NAA15: variants seen among roughly 807,000 people sequenced by gnomAD.
NAA15 encodes N-alpha-acetyltransferase 15, NatA auxiliary subunit.
In NAA15, 34 loss-of-function variants were observed where a neutral mutation model predicts 114.0. That is an observed-to-expected ratio of 0.30 (90% CI 0.23 to 0.40). The LOEUF is 0.40. NAA15 is among the 10% of genes least tolerant of loss of function. The pLI is 1.00. For synonymous variants in NAA15, 340 were observed against 338.0 expected, an observed-to-expected ratio of 1.01 and a Z score of -0.06; for missense variants, 658 against 1,004.5, an observed-to-expected ratio of 0.66 and a Z score of 4.66.
intron 16 of NAA15, among the ~76,000 whole-genome samples, chr4:139,377,795 A>C (rs1748632299): frequency 6.6e-6 from 1 of 152,214 alleles, no homozygotes; most frequent in Non-Finnish European, 1.5e-5. Context: ...AAATAAGTTT[A>C]ATAAATAGTC....
intron 9 of NAA15, 138 bp downstream of exon 9, chr4:139,351,749 G>A: frequency 2.1e-6 from 1 of 485,090 alleles, no homozygotes; most frequent in Non-Finnish European, 3.7e-6. Flanking sequence ...CAGTTTAAAT[G>A]CTTCTGATTC....
At chr4:139,331,111 TTAAAAA>T (rs1264237508) in intron 1 of NAA15, among the ~76,000 whole-genome samples, 5 of 152,164 alleles carry the variant, frequency 3.3e-5, no homozygotes, top group Admixed American at 2.6e-4. Context: ...ATACAATGCT[TTAAAAA>T]TAAATTTTCA....
intron 17 of NAA15, chr4:139,379,433 C>T (rs1748680700): frequency 6.6e-6 from 1 of 152,120 alleles, no homozygotes; most frequent in South Asian, 2.1e-4. Flanking sequence ...TGGGAAAAAT[C>T]TGAGACCTTA....
chr4:139,356,653 A>C (rs1431895015), intron 10 of NAA15: 1 of 152,194 alleles, frequency 6.6e-6, no homozygotes, highest in Admixed American at 6.5e-5. Context: ...TTTAAAAAGC[A>C]ATCTGTTGCT....
Position 139,365,182 on chromosome 4 carries a change from C to T in NAA15, c.1753+3245C>T, listed in dbSNP as rs181511881. On this transcript the variant is annotated intron_variant, in intron 14 of 19. Transcript: ENST00000296543. ...CCTCCCAAGTAGCTGGGATTACAGG[C>T]GCCTGCCACCACTTCTGGCTAATTT... Among the ~76,000 whole-genome samples, 427 of 152,138 alleles carry T rather than the reference C, an allele frequency of 2.8e-3. 3 individuals are homozygous for T. Among genetic ancestry groups the T allele is most frequent in the Non-Finnish European group, 4.7e-3 (320 of 67,996 alleles).
intron 5 of NAA15, 71 bp downstream of exon 5, chr4:139,343,031 C>T: frequency 1.5e-6 from 2 of 1,375,408 alleles, no homozygotes; most frequent in Non-Finnish European, 2.0e-6. Flanking sequence ...CATAGTCTGG[C>T]TTACTTTTAA....
intron 15 of NAA15, among the ~76,000 whole-genome samples, chr4:139,373,993 C>T (rs1748514262): frequency 6.6e-6 from 1 of 152,178 alleles, no homozygotes; most frequent in African/African-American, 2.4e-5. Flanking sequence ...GTGTGAGCCA[C>T]CGCGCCCAGC....
At chr4:139,383,760 C>T (rs55919798) in intron 17 of NAA15, among the ~76,000 whole-genome samples, 20,882 of 152,190 alleles carry the variant, frequency 0.14, 1,764 homozygotes, top group Non-Finnish European at 0.19. Context: ...TGTGAGCCAC[C>T]GTGCCCAGCC....
chr4:139,385,259 A>T (rs1364046243), intron 18 of NAA15, among the ~76,000 whole-genome samples: 1 of 135,800 alleles, frequency 7.4e-6, no homozygotes, highest in Non-Finnish European at 1.6e-5. Context: ...TCAAATCAAA[A>T]CAAAACCAAA....
intron 15 of NAA15, among the ~76,000 whole-genome samples, chr4:139,375,791 C>T (rs1748563691): frequency 6.6e-6 from 1 of 152,032 alleles, no homozygotes; most frequent in Non-Finnish European, 1.5e-5. Context: ...ATTACTATGA[C>T]ATTTATGTAA....
chr4:139,364,510 T>C (rs916031151), intron 14 of NAA15, among the ~76,000 whole-genome samples: 3 of 152,206 alleles, frequency 2.0e-5, no homozygotes, highest in African/African-American at 7.2e-5. Context: ...ATTTCCTCTG[T>C]AATATTTATT....
In NAA15 at chr4:139,301,514, T is replaced by C. The variant is rs571780756; in HGVS notation, c.-264T>C. ...CCGCGTCCGCCATTTTGGCTGCCTC[T>C]GTCGGTCTGTTCAGTTACCACGTGA... On this transcript the variant is annotated 5_prime_UTR_variant, in exon 1 of 20. Transcript: ENST00000296543. The C allele has an allele frequency of 1.5e-5, 7 of 469,258 alleles. No individual in the cohort carries two copies. The South Asian group carries it at 2.1e-4, about 14-fold the overall frequency. The allele number at this position is 469,258 out of a possible 1,614,324, so 29.1% of individuals were successfully genotyped here.
At chr4:139,374,794 C>T (rs1414848542) in intron 15 of NAA15, among the ~76,000 whole-genome samples, 2 of 152,106 alleles carry the variant, frequency 1.3e-5, no homozygotes, top group Non-Finnish European at 2.9e-5. Flanking sequence ...CTGAGACTAC[C>T]TATCAGAATA....
At chr4:139,367,412 T>C (rs980239948) in intron 14 of NAA15, among the ~76,000 whole-genome samples, 10 of 152,240 alleles carry the variant, frequency 6.6e-5, no homozygotes, top group African/African-American at 2.4e-4. Context: ...CAGTAAAATA[T>C]TGAGAGTCTA....
chr4:139,352,278 T>C (rs1258513112), intron 9 of NAA15, among the ~76,000 whole-genome samples: 1 of 151,878 alleles, frequency 6.6e-6, no homozygotes, highest in Non-Finnish European at 1.5e-5. Flanking sequence ...CTGGCTAATT[T>C]TTGTATTTTT....
At chr4:139,310,520 C>G (rs114103522) in intron 1 of NAA15, among the ~76,000 whole-genome samples, 1 of 151,192 alleles carries the variant, frequency 6.6e-6, no homozygotes, top group Admixed American at 6.6e-5. Flanking sequence ...ATGCAAAGGA[C>G]TGTTCAGAAT....
chr4:139,380,144 G>A (rs1038148413), intron 17 of NAA15, among the ~76,000 whole-genome samples: 14 of 152,026 alleles, frequency 9.2e-5, no homozygotes, highest in Non-Finnish European at 2.1e-4. Flanking sequence ...AAACTGAATT[G>A]TAGAAGTGTT....
At chr4:139,341,456 G>C (rs1171174407) in intron 4 of NAA15, among the ~76,000 whole-genome samples, 1 of 151,138 alleles carries the variant, frequency 6.6e-6, no homozygotes, top group African/African-American at 2.4e-5. Context: ...TTAGCTAGGC[G>C]TGGTGGCAGG....
chr4:139,317,828 G>A (rs1746465089), intron 1 of NAA15, among the ~76,000 whole-genome samples: 4 of 152,140 alleles, frequency 2.6e-5, no homozygotes, highest in Admixed American at 1.3e-4. Flanking sequence ...ATTTGTCATG[G>A]AAATAACTAT....
Sources: gnomAD v4.1 joint callset for allele counts (sites outside exome capture counted in the v4.1 genomes callset) on GRCh38, gnomAD v4.1.1 for gene constraint, MANE v1.5 for transcripts, NCBI Gene and HGNC (gene_info 2026-07-23, HGNC 2026-07-21) for gene names.